Variants in HRG observed in about 807,000 individuals in gnomAD.
HRG encodes the protein histidine rich glycoprotein.
Under a neutral mutation model 29.5 loss-of-function variants are expected in HRG, and 26 were observed. The ratio of observed to expected loss-of-function variants is 0.88; its 90% CI spans 0.65 to 1.22. The LOEUF (loss-of-function observed/expected upper bound fraction) is 1.22, where lower values mean the gene tolerates loss of function less well. Ranked by LOEUF, HRG falls within the 50% of genes most tolerant of loss-of-function variation. The probability of loss-of-function intolerance (pLI) is 0.00; values close to 1 mark genes in which losing one functional copy is unlikely to be tolerated. For synonymous variants in HRG, 243 were observed against 240.4 expected (o/e 1.01, Z -0.10); for missense variants, 671 against 654.5 (o/e 1.03, Z -0.28).
chr3:186,673,102 A>C, intron 5 of HRG: 1 of 592,280 alleles, frequency 1.7e-6, no homozygotes, highest in Non-Finnish European at 3.0e-6. Context: ...CAGATAACTT[A>C]TTGTTTTGTT....
chr3:186,672,060 A>G (rs1248873552), intron 4 of HRG, among the ~76,000 whole-genome samples: 1 of 152,154 alleles, frequency 6.6e-6, no homozygotes, highest in African/African-American at 2.4e-5. Context: ...AGGGAAAGAC[A>G]AGAACATATG....
intron 5 of HRG, chr3:186,673,556 C>T (rs1245486756): frequency 6.5e-6 from 1 of 154,556 alleles, no homozygotes; most frequent in African/African-American, 2.4e-5. Flanking sequence ...TATACCTAAA[C>T]TTAAAACTAA....
At chr3:186,668,691 A>T in intron 1 of HRG, 1 of 483,980 alleles carries the variant, frequency 2.1e-6, no homozygotes, top group Non-Finnish European at 3.8e-6. Context: ...ACTGCCGTTT[A>T]GTGATAGCTT....
chr3:186,672,934 A>G (rs1718851707), intron 5 of HRG, 67 bp downstream of exon 5: 1 of 956,268 alleles, frequency 1.0e-6, no homozygotes, highest in Non-Finnish European at 1.7e-6. Flanking sequence ...GAAGAAGGAG[A>G]AGGAGAAGGA....
At chr3:186,672,949 G>A (rs1259137645) in intron 5 of HRG, 82 bp downstream of exon 5, 1 of 905,300 alleles carries the variant, frequency 1.1e-6, no homozygotes, top group Non-Finnish European at 1.9e-6. Context: ...GAAGGAGAAG[G>A]AGAGGAAGGA....
In HRG at chr3:186,677,468, G is replaced by A; in HGVS notation, c.1163G>A (p.Gly388Glu). 4.4e-6 allele frequency: 7 copies of A among 1,589,134 alleles called. No homozygotes were observed. The highest frequency in any genetic ancestry group is 6.0e-6 in the Non-Finnish European group (7 of 1,167,918). Residue 388 changes from glycine to glutamate, a missense_variant, in exon 7 of 7, where the codon GGA becomes GAA. By Grantham distance (98) the Gly-to-Glu change is moderately conservative. Coordinates refer to ENST00000232003, the MANE Select transcript of HRG (RefSeq NM_000412.5). ...RQHPHGHHPH[G>E]HHPHGHHPHG... ...CATCCCCATGGACACCACCCCCATG[G>A]ACACCATCCTCATGGACACCACCCC...
rs772056647 is a variant in HRG, at chr3:186,677,929, A to G, written c.*46A>G. 7.1e-6 allele frequency: 11 copies of G among 1,549,066 alleles called. No individual in the cohort carries two copies. Among genetic ancestry groups the G allele is most frequent in the Non-Finnish European group, 9.8e-6 (11 of 1,123,612 alleles). On this transcript the variant is annotated 3_prime_UTR_variant, in exon 7 of 7. Coordinates refer to ENST00000232003, the MANE Select transcript of HRG (RefSeq NM_000412.5). ...GAAAATGAATAATACATTGAATTAGAAACATAAATAAAATGACCAGTAATT... is the reference window on the plus strand; with the variant it reads ...GAAAATGAATAATACATTGAATTAGGAACATAAATAAAATGACCAGTAATT...
In HRG at chr3:186,672,654, T is replaced by G. The variant is rs150143388; in HGVS notation, c.559-133T>G. On this transcript the variant is annotated intron_variant, in intron 4 of 6. Transcript: ENST00000232003. Reference sequence around the variant, plus strand: ...ACATTTTTAAAAGGCAGAAACCATTTTAAAAAATGACACATACTGGTGATT... The same window carrying G: ...ACATTTTTAAAAGGCAGAAACCATTGTAAAAAATGACACATACTGGTGATT... 4.8e-3 allele frequency: 3,429 copies of G among 711,850 alleles called. 53 individuals are homozygous for G. The highest frequency in any genetic ancestry group is 0.039 in the African/African-American group (2,215 of 56,862). 44.1% of individuals were successfully genotyped at this position (711,850 alleles called of 1,614,324 possible).
At position 186,677,589 on chromosome 3, in the gene HRG, C is replaced by T. The variant is rs1330594644; in HGVS notation, c.1284C>T (p.Cys428=). The T allele has an allele frequency of 6.2e-7, 1 of 1,614,146 alleles. No homozygotes were observed. The highest frequency in any genetic ancestry group is 8.5e-7 in the Non-Finnish European group (1 of 1,180,000). The change falls in exon 7 of 7, where the codon TGC becomes TGT. Residue 428 remains cysteine (C), a synonymous_variant. Transcript: ENST00000232003. ...CACCCCATAACCAAGGTCACTGTTG[C>T]CATGGCCACGGCCCACCACCTGGGC... ...DPPPHNQGHC[C]HGHGPPPGHL... is the part of the protein sequence containing the mutation.
intron 1 of HRG, 129 bp from the exon 2 acceptor site, chr3:186,668,806 A>G: frequency 3.0e-6 from 2 of 673,626 alleles, no homozygotes; most frequent in Non-Finnish European, 5.3e-6. Flanking sequence ...ACGCAAAGGT[A>G]GAGCATCTGC....
rs1718941101 is a variant in HRG at position 186,675,303 on chromosome 3, G to GAC, written c.741+113_741+114insAC. The stretch of plus-strand genomic sequence containing the variant: ...TGAGTGGGTGTGTGTGTGTGTGTGT[G>GAC]TGTGTGAGAGAGAGAGAGAGAGAGA... On this transcript the variant is annotated intron_variant, in intron 6 of 6. Transcript: ENST00000232003. The GAC allele has an allele frequency of 5.7e-6, 3 of 525,014 alleles. No individual in the cohort carries two copies. The East Asian group carries it at 1.2e-4, about 22-fold the overall frequency. 32.5% of individuals were successfully genotyped at this position (525,014 alleles called of 1,614,324 possible).
chr3:186,666,470 A>G (rs1718614439), intron 1 of HRG, among the ~76,000 whole-genome samples: 1 of 152,238 alleles, frequency 6.6e-6, no homozygotes, highest in South Asian at 2.1e-4. Context: ...GGACTGCCAG[A>G]GAAACATTAG....
chr3:186,672,729 C>CT (rs1409894838), intron 4 of HRG, 58 bp from the exon 5 acceptor site: 78 of 1,135,746 alleles, frequency 6.9e-5, no homozygotes, highest in Non-Finnish European at 8.8e-5. Context: ...TTATCTACTG[C>CT]TTTTTTTTCC....
chr3:186,672,689 C>T (rs1718839733), intron 4 of HRG, 98 bp from the exon 5 acceptor site: 2 of 798,518 alleles, frequency 2.5e-6, no homozygotes, highest in Admixed American at 2.0e-5. Flanking sequence ...TTTGAATTCT[C>T]ATACTGCCTT....
Position 186,677,677 on chromosome 3 carries a change from G to A in HRG, c.1372G>A (p.Val458Met). 6.2e-7 allele frequency: 1 copy of A among 1,613,430 alleles called. No individual in the cohort carries two copies. Among genetic ancestry groups the A allele is most frequent in the Non-Finnish European group, 8.5e-7 (1 of 1,179,382 alleles). ...CTTCCATTGCAGACAAATTGGATCT[G>A]TGTACCGACTCCCTCCTCTAAGAAA... ...RPFHCRQIGS[V>M]YRLPPLRKGE... Residue 458 changes from valine (V) to methionine (M), a missense_variant, in exon 7 of 7, where the codon GTG becomes ATG. Val to Met is a conservative substitution (Grantham distance 21, BLOSUM62 1). Transcript: ENST00000232003.
chr3:186,671,806 G>C lies in HRG; in HGVS notation c.558+17G>C. On this transcript the variant is annotated intron_variant, in intron 4 of 6. Coordinates refer to ENST00000232003, the MANE Select transcript of HRG (RefSeq NM_000412.5). ...GCAAGAGTGGTGAGTCTCCACTAAGGTTCGGTTGGAGTCTGAAGGCCCAGG... is the reference window on the plus strand; with the variant it reads ...GCAAGAGTGGTGAGTCTCCACTAAGCTTCGGTTGGAGTCTGAAGGCCCAGG... The C allele has an allele frequency of 6.2e-7, 1 of 1,612,816 alleles. No individual in the cohort carries two copies. Among genetic ancestry groups the C allele is most frequent in the African/African-American group, 1.3e-5 (1 of 74,964 alleles).
chr3:186,667,928 C>T (rs1437777774), intron 1 of HRG, among the ~76,000 whole-genome samples: 6 of 152,086 alleles, frequency 3.9e-5, no homozygotes, highest in South Asian at 4.1e-4. Flanking sequence ...CCTCTAAGCT[C>T]CCCAAATAAC....
At chr3:186,671,148 GT>G (rs1018682435) in intron 3 of HRG, among the ~76,000 whole-genome samples, 1 of 150,140 alleles carries the variant, frequency 6.7e-6, no homozygotes, top group Non-Finnish European at 1.5e-5. Flanking sequence ...GAGCCCAGGA[GT>G]TTGAGACTAG....
chr3:186,671,477 T>A, intron 3 of HRG, 146 bp from the exon 4 acceptor site: 1 of 827,908 alleles, frequency 1.2e-6, no homozygotes, highest in Non-Finnish European at 2.1e-6. Flanking sequence ...GGTTGCCAAA[T>A]GGCTGATTGA....
Sources: gnomAD v4.1 joint callset for allele counts (sites outside exome capture counted in the v4.1 genomes callset) on GRCh38, gnomAD v4.1.1 for gene constraint, MANE v1.5 for transcripts, NCBI Gene and HGNC (gene_info 2026-07-23, HGNC 2026-07-21) for gene names.